The following IL34 variants were observed in gnomAD, a reference collection of about 807,000 sequenced individuals.
The protein encoded by IL34 is interleukin 34, also known as interleukin-34.
A neutral mutation model predicts 25.3 loss-of-function variants in IL34; 17 were observed. The ratio of observed to expected loss-of-function variants is 0.67; its 90% CI spans 0.46 to 1.01. The LOEUF is 1.01. Ranked by LOEUF, IL34 falls within the 50% of genes least tolerant of loss-of-function variation. The pLI is 0.00. For missense variants in IL34, 368 were observed against 312.9 expected (o/e 1.18, Z -1.33); for synonymous variants, 174 against 140.9 (o/e 1.23, Z -1.66).
intron 1 of IL34, among the ~76,000 whole-genome samples, chr16:70,612,179 G>A (rs191265848): frequency 9.8e-5 from 15 of 152,290 alleles, no homozygotes; most frequent in African/African-American, 3.6e-4. Context: ...CGGGGTTCTG[G>A]GATCATGGAA....
intron 1 of IL34, among the ~76,000 whole-genome samples, chr16:70,632,093 C>T (rs1367461613): frequency 6.4e-4 from 85 of 133,552 alleles, no homozygotes; most frequent in Non-Finnish European, 1.2e-3. Flanking sequence ...TAGAGTGAGA[C>T]CCTGTCTCAA....
At position 70,657,073 on chromosome 16, in the gene IL34, C is replaced by T. The variant is rs754112108; in HGVS notation, c.354C>T (p.Tyr118=). 6.2e-7 allele frequency: 1 copy of T among 1,613,184 alleles called. No homozygotes were observed. Among genetic ancestry groups the T allele is most frequent in the Non-Finnish European group, 8.5e-7 (1 of 1,179,970 alleles). The part of the protein sequence containing the change: ...VLLEGHPSWK[Y]LQEVETLLLN... ...TCGAGGGCCACCCATCCTGGAAGTA[C>T]CTGCAGGAGGTGGAGACGCTGCTGC... is the stretch of plus-strand genomic sequence containing the variant. The change falls in exon 4 of 6, where the codon TAC becomes TAT. Residue 118 remains tyrosine (Y), a synonymous_variant. Coordinates refer to ENST00000288098, the MANE Select transcript of IL34 (RefSeq NM_001393494.1).
intron 1 of IL34, among the ~76,000 whole-genome samples, chr16:70,606,609 A>G (rs2051009024): frequency 6.6e-6 from 1 of 151,640 alleles, no homozygotes; most frequent in Admixed American, 6.6e-5. Context: ...TTTTTTTGAG[A>G]CAAGATCTCG....
At chr16:70,590,190 C>T (rs868371252) in intron 1 of IL34, among the ~76,000 whole-genome samples, 10 of 152,152 alleles carry the variant, frequency 6.6e-5, no homozygotes, top group African/African-American at 2.2e-4. Flanking sequence ...TTCCTGGAGC[C>T]GTGATGGGGC....
chr16:70,649,960 G>A (rs879337587), intron 1 of IL34, among the ~76,000 whole-genome samples: 1 of 151,994 alleles, frequency 6.6e-6, no homozygotes, highest in Non-Finnish European at 1.5e-5. Context: ...CACTGCGCCT[G>A]GCTAATTTTT....
At chr16:70,654,258 G>T (rs553522911) in intron 1 of IL34, 27 of 294,236 alleles carry the variant, frequency 9.2e-5, no homozygotes, top group Non-Finnish European at 1.6e-4. Flanking sequence ...ACAGAAGCGG[G>T]GAGACCAGAC....
At chr16:70,599,292 T>C (rs147595604) in intron 1 of IL34, among the ~76,000 whole-genome samples, 1 of 72,532 alleles carries the variant, frequency 1.4e-5, no homozygotes, top group Non-Finnish European at 2.8e-5. Context: ...TTTCTTTCTT[T>C]CTTCTTTCTT....
intron 1 of IL34, among the ~76,000 whole-genome samples, chr16:70,633,176 G>A (rs1165286319): frequency 1.3e-5 from 2 of 151,106 alleles, no homozygotes; most frequent in Non-Finnish European, 2.9e-5. Flanking sequence ...TGTTGCCCAG[G>A]CATGTCTCAA....
intron 5 of IL34, 63 bp downstream of exon 5, chr16:70,659,816 C>A (rs1013752094): frequency 6.5e-7 from 1 of 1,548,064 alleles, no homozygotes; most frequent in South Asian, 1.2e-5. Flanking sequence ...CCCACCCAGG[C>A]CAGCTGGCAG....
At chr16:70,583,840 T>A (rs1567433619) in intron 1 of IL34, among the ~76,000 whole-genome samples, 1 of 152,108 alleles carries the variant, frequency 6.6e-6, no homozygotes, top group Non-Finnish European at 1.5e-5. Flanking sequence ...TTAGTAGAGA[T>A]GGGGTTTCAC....
chr16:70,614,500 TCA>T (rs2051144904), intron 1 of IL34, among the ~76,000 whole-genome samples: 1 of 152,198 alleles, frequency 6.6e-6, no homozygotes, highest in African/African-American at 2.4e-5. Flanking sequence ...GCATGGAAGC[TCA>T]GATTCAACAG....
intron 1 of IL34, among the ~76,000 whole-genome samples, chr16:70,583,120 TTGTC>T (rs2050653150): frequency 6.6e-6 from 1 of 152,094 alleles, no homozygotes; most frequent in Non-Finnish European, 1.5e-5. Flanking sequence ...TTGTTGTTGT[TTGTC>T]TTTTTTGAGA....
chr16:70,617,400 G>C (rs1206152747), intron 1 of IL34, among the ~76,000 whole-genome samples: 1 of 152,210 alleles, frequency 6.6e-6, no homozygotes, highest in Non-Finnish European at 1.5e-5. Flanking sequence ...TAAACCGGCA[G>C]TGTAAACAAG....
chr16:70,594,896 G>A (rs2050798260), intron 1 of IL34, among the ~76,000 whole-genome samples: 2 of 151,856 alleles, frequency 1.3e-5, no homozygotes, highest in Non-Finnish European at 2.9e-5. Context: ...TCTAGGCCTT[G>A]GGAAACCCTC....
intron 1 of IL34, among the ~76,000 whole-genome samples, chr16:70,601,745 G>A (rs2050921368): frequency 6.6e-6 from 1 of 152,174 alleles, no homozygotes; most frequent in Non-Finnish European, 1.5e-5. Context: ...GGGTTTCCCA[G>A]CAGCCCCAGG....
At chr16:70,596,941 C>T (rs1233927105) in intron 1 of IL34, among the ~76,000 whole-genome samples, 3 of 152,012 alleles carry the variant, frequency 2.0e-5, no homozygotes, top group Non-Finnish European at 4.4e-5. Context: ...TGTACTTGTA[C>T]CCATAATACT....
intron 2 of IL34, 143 bp downstream of exon 2, chr16:70,654,814 C>A: frequency 9.3e-7 from 1 of 1,077,424 alleles, no homozygotes; most frequent in South Asian, 1.9e-5. Flanking sequence ...TTCTCCGAAA[C>A]CTACCCATGC....
chr16:70,659,891 A>G, intron 5 of IL34, 106 bp from the exon 6 acceptor site: 1 of 1,465,264 alleles, frequency 6.8e-7, no homozygotes, highest in Non-Finnish European at 9.2e-7. Flanking sequence ...GGAAGCCAGG[A>G]TGGGCCCTGG....
chr16:70,645,585 T>G (rs12920529), upstream of IL34, among the ~76,000 whole-genome samples: 45,783 of 151,954 alleles, frequency 0.3, 7,184 homozygotes, highest in South Asian at 0.45. Flanking sequence ...CCCTGTGTGG[T>G]TGTCGAATTT....
Sources: gnomAD v4.1 joint callset for allele counts (sites outside exome capture counted in the v4.1 genomes callset) on GRCh38, gnomAD v4.1.1 for gene constraint, MANE v1.5 for transcripts, NCBI Gene and HGNC (gene_info 2026-07-23, HGNC 2026-07-21) for gene names.